Variants in CFAP46 observed in about 807,000 individuals in gnomAD.
CFAP46 encodes cilia- and flagella-associated protein 46.
CFAP46 carries 245 observed loss-of-function variants against 325.7 expected under a neutral mutation model. That is an observed-to-expected ratio of 0.75 (90% confidence interval 0.68 to 0.84). The LOEUF (loss-of-function observed/expected upper bound fraction) is 0.84, where lower values mean the gene tolerates loss of function less well. Among genes scored for constraint, CFAP46 ranks in the 40% least tolerant of loss-of-function variants. The pLI, the probability that CFAP46 is intolerant of heterozygous loss-of-function variation, is 0.00. For synonymous variants in CFAP46, 1,523 were observed against 1,495.9 expected (o/e 1.02, Z -0.42); for missense variants, 3,346 against 3,543.0 (o/e 0.94, Z 1.41).
chr10:132,912,042 A>C (rs992590098), intron 19 of CFAP46, among the ~76,000 whole-genome samples: 33 of 151,910 alleles, frequency 2.2e-4, no homozygotes, highest in Non-Finnish European at 4.0e-4. Flanking sequence ...GAGCCTTCAG[A>C]AGCTCAGCCC....
chr10:132,872,985 T>C (rs1848914388), intron 31 of CFAP46, among the ~76,000 whole-genome samples, 161 bp from the exon 32 acceptor site: 1 of 152,232 alleles, frequency 6.6e-6, no homozygotes, highest in Non-Finnish European at 1.5e-5. Context: ...CTCAGTGCGT[T>C]TCTGTGGGAT....
intron 35 of CFAP46, among the ~76,000 whole-genome samples, chr10:132,863,438 A>G (rs1721897863): frequency 6.6e-6 from 1 of 152,118 alleles, no homozygotes; most frequent in Admixed American, 6.5e-5. Flanking sequence ...CAGCATCCTC[A>G]GTCCCTTCCT....
chr10:132,938,154 G>C (rs948658090), intron 5 of CFAP46, among the ~76,000 whole-genome samples: 2 of 152,216 alleles, frequency 1.3e-5, no homozygotes, highest in Non-Finnish European at 2.9e-5. Flanking sequence ...CCTCAGGGCT[G>C]AGACCCAGCA....
chr10:132,861,712 T>G (rs534758508), intron 35 of CFAP46, among the ~76,000 whole-genome samples: 13 of 152,318 alleles, frequency 8.5e-5, no homozygotes, highest in African/African-American at 3.1e-4. Context: ...CGGTCCCAGC[T>G]GCAGGGCTGC....
rs1032811581 is a variant in CFAP46 at position 132,899,450 on chromosome 10, G to A, written c.3056+85C>T. 3.5e-6 allele frequency: 5 copies of A among 1,443,878 alleles called. No homozygotes were observed. In the East Asian group the frequency reaches 1.2e-4, roughly 36 times the overall value. The allele number at this position is 1,443,878 out of a possible 1,614,324, so 89.4% of individuals were successfully genotyped here. On this transcript the variant is annotated intron_variant, in intron 23 of 57. Coordinates refer to ENST00000368586, the MANE Select transcript of CFAP46 (RefSeq NM_001200049.3). ...GCAGGAGCCCTCCCTTGGGCCCACA[G>A]GATGGGCCACAGCCTTGGTGAGCAC...
At chr10:132,922,081 G>C in intron 13 of CFAP46, 23 bp downstream of exon 13, 3 of 1,547,628 alleles carry the variant, frequency 1.9e-6, no homozygotes, top group Middle Eastern at 1.8e-4. Flanking sequence ...TTCTGGGCTG[G>C]GAGAGCCCAG....
At chr10:132,836,962 A>G (rs1564772576) in intron 44 of CFAP46, 48 bp from the exon 45 acceptor site, 1 of 1,386,992 alleles carries the variant, frequency 7.2e-7, no homozygotes, top group Middle Eastern at 1.8e-4. Context: ...GGACGCAAGG[A>G]CGTCGCTGTG....
intron 17 of CFAP46, among the ~76,000 whole-genome samples, chr10:132,913,562 C>G (rs1849588552): frequency 6.6e-6 from 1 of 152,198 alleles, no homozygotes; most frequent in Admixed American, 6.5e-5. Context: ...ACCTGATGAT[C>G]TGAGGTGGAA....
intron 50 of CFAP46, among the ~76,000 whole-genome samples, chr10:132,823,919 G>T (rs1847960965): frequency 6.9e-6 from 1 of 144,626 alleles, no homozygotes; most frequent in East Asian, 2.1e-4. Flanking sequence ...GCGCTGATGT[G>T]TGTGTGTGCT....
intron 34 of CFAP46, among the ~76,000 whole-genome samples, chr10:132,866,773 C>T (rs1054651249): frequency 6.6e-6 from 1 of 152,240 alleles, no homozygotes; most frequent in Non-Finnish European, 1.5e-5. Flanking sequence ...TGGCCTTTGC[C>T]CCTCCATGGT....
Position 132,913,102 on chromosome 10 carries a change from C to T in CFAP46, c.2277G>A (p.Glu759=). ...HHLILAGRQK[E]LVDALYHLLS... is the part of the protein sequence containing the mutation. ...GGAGGTGGTACAGGGCGTCCACCAG[C>T]TCCTTCTGCCGCCCGGCCAGGATCA... is the stretch of plus-strand genomic sequence containing the variant. Residue 759 remains glutamate (E), a synonymous_variant, in exon 18 of 58, where the codon GAG becomes GAA. Transcript: ENST00000368586. 2 of 1,550,410 alleles carry T rather than the reference C, an allele frequency of 1.3e-6. No homozygotes were observed. Among genetic ancestry groups the T allele is most frequent in the Non-Finnish European group, 1.7e-6 (2 of 1,147,004 alleles).
chr10:132,919,120 G>A lies in CFAP46; in HGVS notation c.1858+195C>T, dbSNP rs1237373915. 1.3e-5 allele frequency among the ~76,000 whole-genome samples: 2 copies of A among 152,226 alleles called. No homozygotes were observed. Among genetic ancestry groups the A allele is most frequent in the Admixed American group, 6.5e-5 (1 of 15,286 alleles). On this transcript the variant is annotated intron_variant, in intron 15 of 57. Transcript: ENST00000368586. This position sits in a 1 kb window ranked among gnomAD's most constrained non-coding sequence, Gnocchi z 9.7. ...TGACGACGGTGCTCGTGGCTCGGCC[G>A]ACACAGCCAGATGTGGCCGCCGCCC...
rs571755685 is a variant in CFAP46 at position 132,939,760 on chromosome 10, C to T, written c.372-1007G>A. 3.3e-5 allele frequency among the ~76,000 whole-genome samples: 5 copies of T among 152,278 alleles called. No homozygotes were observed. In the East Asian group the frequency reaches 7.7e-4, roughly 24 times the overall value. On this transcript the variant is annotated intron_variant, in intron 4 of 57. Coordinates refer to ENST00000368586, the MANE Select transcript of CFAP46 (RefSeq NM_001200049.3). This position sits in a 1 kb window ranked among gnomAD's most constrained non-coding sequence, Gnocchi z 4.6. ...GCCTGCTGCGTCTCCCTGAGTGCTGCGTCTCCCTGAGTGCTGCGTCTCGAA... is the reference window on the plus strand; with the variant it reads ...GCCTGCTGCGTCTCCCTGAGTGCTGTGTCTCCCTGAGTGCTGCGTCTCGAA...
In CFAP46 at chr10:132,814,303, G is replaced by A. The variant is rs370835270; in HGVS notation, c.7286-49C>T. 239 of 1,470,336 alleles carry A rather than the reference G, an allele frequency of 1.6e-4. No individual in the cohort carries two copies. In the African/African-American group the frequency reaches 2.8e-3, roughly 17 times the overall value. 91.1% of individuals were successfully genotyped at this position (1,470,336 alleles called of 1,614,324 possible). On this transcript the variant is annotated intron_variant, in intron 53 of 57. Transcript: ENST00000368586. ...CAGACCACGGTGTTTCATCAGACAC[G>A]GGTGTGCAGGGCCGGGGTCCCTGGG...
chr10:132,864,403 C>A (rs1591061650), intron 35 of CFAP46, among the ~76,000 whole-genome samples: 1 of 117,618 alleles, frequency 8.5e-6, no homozygotes, highest in Non-Finnish European at 1.8e-5. Flanking sequence ...CACCTGTCCC[C>A]AGTGCCTGAG....
chr10:132,810,411 T>C lies in CFAP46; in HGVS notation c.7662A>G (p.Pro2554=). 6.2e-7 allele frequency: 1 copy of C among 1,613,264 alleles called. No homozygotes were observed. The highest frequency in any genetic ancestry group is 1.7e-5 in the Admixed American group (1 of 60,012). Residue 2554 remains proline, a splice_region_variant and synonymous_variant, in exon 57 of 58, where the codon CCA becomes CCG. Coordinates refer to ENST00000368586, the MANE Select transcript of CFAP46 (RefSeq NM_001200049.3). ...GGTGCAGGCCGCCCCTCCCTTACCT[T>C]GGTTCACCGCCTCGTCGCCACTCAT... ...SEDEWRRGGE[P]RRGFSDLEGQ...
rs754574620 is a variant in CFAP46, at chr10:132,924,844, G to A, written c.1108C>T (p.Arg370Ter). The change falls in exon 11 of 58, where the codon CGA becomes TGA. Residue 370 changes from arginine (R) to a stop codon, truncating the protein, a stop_gained. Coordinates refer to ENST00000368586, the MANE Select transcript of CFAP46 (RefSeq NM_001200049.3). LOFTEE classifies it high-confidence loss of function. Reference protein sequence around the residue: ...IIQRLDVALQRAVRLGDPRVI... With the variant: ...IIQRLDVALQ ...CGGGGGTCGCCCAGGCGCACGGCTC[G>A]CTGCAGCGCGACGTCTAGCCTCTGT... 8.9e-5 allele frequency: 128 copies of A among 1,434,872 alleles called. 1 individual carries two copies. The highest frequency in any genetic ancestry group is 2.6e-4 in the South Asian group (18 of 69,482). The allele number at this position is 1,434,872 out of a possible 1,614,324, so 88.9% of individuals were successfully genotyped here. A position where few individuals can be genotyped will look rare whatever the true frequency, so the allele number is the denominator to read the frequency against.
intron 24 of CFAP46, among the ~76,000 whole-genome samples, chr10:132,896,140 CCA>C (rs35864168): frequency 9.2e-4 from 75 of 81,534 alleles, no homozygotes; most frequent in Admixed American, 2.6e-3. Flanking sequence ...GCTCTGTGTG[CCA>C]CATGAAGACA....
chr10:132,942,233 G>A, intron 1 of CFAP46, 129 bp from the exon 2 acceptor site: 1 of 1,313,164 alleles, frequency 7.6e-7, no homozygotes, highest in South Asian at 1.5e-5. Context: ...AGAACCTGTC[G>A]CCGCCAGGGA....
Sources: allele counts gnomAD v4.1 joint callset (sites outside exome capture counted in the v4.1 genomes callset), GRCh38; gene constraint gnomAD v4.1.1; non-coding constraint Gnocchi (gnomAD v3.1); transcripts MANE v1.5; gene names NCBI Gene and HGNC (gene_info 2026-07-23, HGNC 2026-07-21).